PIK3C2G: variants seen among roughly 807,000 people sequenced by gnomAD.
The protein encoded by PIK3C2G is phosphatidylinositol 3-kinase C2 domain-containing subunit gamma.
A neutral mutation model predicts 181.1 loss-of-function variants in PIK3C2G; 168 were observed. The observed-to-expected ratio is 0.93, with a 90% confidence interval of 0.82 to 1.05. The LOEUF is 1.05. PIK3C2G is among the 50% of genes least tolerant of loss of function. The pLI, the probability that PIK3C2G is intolerant of heterozygous loss-of-function variation, is 0.00. For missense variants in PIK3C2G, 1,869 were observed against 1,732.8 expected (o/e 1.08, Z -1.40); for synonymous variants, 573 against 592.2 (o/e 0.97, Z 0.47).
intron 16 of PIK3C2G, among the ~76,000 whole-genome samples, chr12:18,410,299 G>GT (rs1402331669): frequency 6.6e-6 from 1 of 152,100 alleles, no homozygotes; most frequent in Non-Finnish European, 1.5e-5. Context: ...GAGGTCAGGA[G>GT]TTTGAGACCA....
At chr12:18,501,905 T>C (rs1397616085) in intron 22 of PIK3C2G, among the ~76,000 whole-genome samples, 2 of 152,192 alleles carry the variant, frequency 1.3e-5, no homozygotes, top group African/African-American at 4.8e-5. Flanking sequence ...TAAGATGGCA[T>C]TGAAACACTC....
chr12:18,374,894 G>A (rs1284445112), intron 13 of PIK3C2G, among the ~76,000 whole-genome samples: 1 of 152,142 alleles, frequency 6.6e-6, no homozygotes, highest in Non-Finnish European at 1.5e-5. Context: ...CTTCTGCCAT[G>A]ATTGTAAGCT....
the PIK3C2G span, among the ~76,000 whole-genome samples, chr12:18,717,330 A>C: frequency 3.3e-5 from 5 of 152,200 alleles, no homozygotes; most frequent in Non-Finnish European, 7.4e-5. Context: ...AAATGAATAC[A>C]TTTCAAAATT....
chr12:18,268,577 T>G (rs572558809), intron 1 of PIK3C2G, among the ~76,000 whole-genome samples: 3 of 152,288 alleles, frequency 2.0e-5, no homozygotes, highest in African/African-American at 7.2e-5. Context: ...ATTTAACTCT[T>G]AGACTACATT....
rs1303519693 is a variant in PIK3C2G at position 18,292,215 on chromosome 12, A to ACAAAC, written c.919+1203_919+1204insCAAAC. On this transcript the variant is annotated intron_variant, in intron 4 of 32. Coordinates refer to ENST00000538779, the MANE Select transcript of PIK3C2G (RefSeq NM_001288772.2). Reference sequence around the variant, plus strand: ...ACAAGAGCAAAACTCCATCTCAAAAAAAAAAAAAAAAAATATATATATATA... The same window carrying ACAAAC: ...ACAAGAGCAAAACTCCATCTCAAAAACAAACAAAAAAAAAAAAATATATATATATA... Among the ~76,000 whole-genome samples the ACAAAC allele has an allele frequency of 6.3e-4, 52 of 82,330 alleles. 1 individual carries two copies. The highest frequency in any genetic ancestry group is 2.6e-3 in the African/African-American group (50 of 19,502). 54.0% of individuals were successfully genotyped at this position (82,330 alleles called of 152,430 possible).
intron 31 of PIK3C2G, among the ~76,000 whole-genome samples, chr12:18,633,639 C>T (rs1949458003): frequency 1.3e-5 from 2 of 152,204 alleles, no homozygotes; most frequent in African/African-American, 4.8e-5. Flanking sequence ...TCCAGAAGTA[C>T]TCTTCCTTAG....
chr12:18,413,936 G>A (rs1945018526), intron 16 of PIK3C2G, among the ~76,000 whole-genome samples: 1 of 152,128 alleles, frequency 6.6e-6, no homozygotes, highest in African/African-American at 2.4e-5. Flanking sequence ...TACTGAGAAT[G>A]AAATGCCAAC....
intron 22 of PIK3C2G, among the ~76,000 whole-genome samples, chr12:18,502,830 T>C (rs995142002): frequency 6.6e-6 from 1 of 152,208 alleles, no homozygotes; most frequent in Non-Finnish European, 1.5e-5. Context: ...ACTGTGAAGC[T>C]TTTTTTAACC....
At chr12:18,451,105 C>T (rs1427495141) in intron 18 of PIK3C2G, among the ~76,000 whole-genome samples, 1 of 152,130 alleles carries the variant, frequency 6.6e-6, no homozygotes, top group African/African-American at 2.4e-5. Flanking sequence ...TTTTCTAATT[C>T]TGTTAAGAAA....
chr12:18,347,223 A>G (rs1158944033), intron 11 of PIK3C2G, among the ~76,000 whole-genome samples: 3 of 148,234 alleles, frequency 2.0e-5, no homozygotes, highest in Admixed American at 7.2e-5. Flanking sequence ...CTTTAAAAAT[A>G]GAAAAAAAAA....
chr12:18,333,696 G>C (rs928727933), intron 8 of PIK3C2G, among the ~76,000 whole-genome samples: 12 of 151,972 alleles, frequency 7.9e-5, no homozygotes, highest in African/African-American at 2.7e-4. Flanking sequence ...AATTCATATT[G>C]GCACTAACTA....
At chr12:18,590,482 A>G (rs1947021265) in intron 29 of PIK3C2G, among the ~76,000 whole-genome samples, 2 of 151,908 alleles carry the variant, frequency 1.3e-5, no homozygotes, top group Non-Finnish European at 2.9e-5. Context: ...TACATCGTAG[A>G]CTATGTGAAA....
chr12:18,412,917 T>C (rs987549376), intron 16 of PIK3C2G, among the ~76,000 whole-genome samples: 1 of 152,178 alleles, frequency 6.6e-6, no homozygotes, highest in Non-Finnish European at 1.5e-5. Flanking sequence ...CTTAATCCTT[T>C]GCTTGGCCCT....
At chr12:18,375,280 G>C (rs73066505) in intron 13 of PIK3C2G, among the ~76,000 whole-genome samples, 16,084 of 152,226 alleles carry the variant, frequency 0.11, 1,183 homozygotes, top group Admixed American at 0.25. Flanking sequence ...GGAACTTATT[G>C]GGAGCCAAAG....
At chr12:18,352,994 A>G (rs1303876067) in intron 11 of PIK3C2G, among the ~76,000 whole-genome samples, 1 of 152,142 alleles carries the variant, frequency 6.6e-6, no homozygotes, top group Non-Finnish European at 1.5e-5. Flanking sequence ...GGACAGGCTA[A>G]AAAGCAACAT....
At chr12:18,501,115 C>T (rs1373998757) in intron 22 of PIK3C2G, among the ~76,000 whole-genome samples, 2 of 152,162 alleles carry the variant, frequency 1.3e-5, no homozygotes, top group Non-Finnish European at 2.9e-5. Context: ...TAACACTCAC[C>T]GCGAAGGTCC....
chr12:18,538,157 G>C lies in PIK3C2G; in HGVS notation c.3325G>C (p.Asp1109His), dbSNP rs764810207. The change falls in exon 25 of 33, where the codon GAC becomes CAC. Residue 1109 changes from aspartate to histidine, a missense_variant and splice_region_variant. Coordinates refer to ENST00000538779, the MANE Select transcript of PIK3C2G (RefSeq NM_001288772.2). ...HAQTFGGIKRDRAPFIFTSEM... is the reference protein window; with the variant it reads ...HAQTFGGIKRHRAPFIFTSEM... Reference sequence around the variant, plus strand: ...ATTGCTACTGTTTTTGGTTTACAGGGACCGAGCTCCTTTCATTTTTACTTC... The same window carrying C: ...ATTGCTACTGTTTTTGGTTTACAGGCACCGAGCTCCTTTCATTTTTACTTC... The C allele has an allele frequency of 6.2e-7, 1 of 1,610,158 alleles. No homozygotes were observed. Among genetic ancestry groups the C allele is most frequent in the Non-Finnish European group, 8.5e-7 (1 of 1,178,236 alleles).
the PIK3C2G span, chr12:18,693,643 C>A: frequency 6.4e-7 from 1 of 1,563,240 alleles, no homozygotes; most frequent in East Asian, 2.2e-5. Flanking sequence ...AAATTGACGC[C>A]ATTGGGACAA....
chr12:18,617,248 T>A (rs868795216), intron 31 of PIK3C2G, among the ~76,000 whole-genome samples: 38 of 152,132 alleles, frequency 2.5e-4, no homozygotes, highest in African/African-American at 8.9e-4. Context: ...AATAAAAGTG[T>A]CACCTATCAT....
Sources: allele counts gnomAD v4.1 joint callset (sites outside exome capture counted in the v4.1 genomes callset), GRCh38; gene constraint gnomAD v4.1.1; transcripts MANE v1.5; gene names NCBI Gene and HGNC (gene_info 2026-07-23, HGNC 2026-07-21).